Variants in KAZN observed in about 807,000 individuals in gnomAD.
The protein encoded by KAZN is kazrin.
In KAZN, 40 loss-of-function variants were observed where a neutral mutation model predicts 87.4. The observed-to-expected ratio is 0.46, with a 90% CI of 0.36 to 0.60. The LOEUF (loss-of-function observed/expected upper bound fraction) is 0.60, where lower values mean the gene tolerates loss of function less well. Ranked by LOEUF, KAZN falls within the 20% of genes least tolerant of loss-of-function variation. The pLI, the probability that KAZN is intolerant of heterozygous loss-of-function variation, is 0.00. For synonymous variants in KAZN, 466 were observed against 458.3 expected (o/e 1.02, Z -0.22); for missense variants, 898 against 1,073.9 (o/e 0.84, Z 2.29).
At chr1:15,093,718 A>G (rs908919117) in intron 8 of KAZN, among the ~76,000 whole-genome samples, 2 of 152,190 alleles carry the variant, frequency 1.3e-5, no homozygotes, top group East Asian at 1.9e-4. Flanking sequence ...TTACATTGCC[A>G]TGGTGAATTT....
chr1:14,015,470 T>C (rs1640521708), intron 1 of KAZN, among the ~76,000 whole-genome samples: 2 of 91,242 alleles, frequency 2.2e-5, no homozygotes, highest in Non-Finnish European at 4.2e-5. Context: ...TTTTTTTTTT[T>C]TTTTTTTTTT....
At chr1:13,980,892 G>A (rs1209299816) in intron 1 of KAZN, among the ~76,000 whole-genome samples, 1 of 151,388 alleles carries the variant, frequency 6.6e-6, no homozygotes, top group Non-Finnish European at 1.5e-5. Flanking sequence ...TTGTCTTTCT[G>A]GATGGTCTGT....
At chr1:14,300,018 A>G (rs1272366168) in intron 2 of KAZN, among the ~76,000 whole-genome samples, 2 of 152,108 alleles carry the variant, frequency 1.3e-5, no homozygotes, top group Non-Finnish European at 2.9e-5. Flanking sequence ...ATTGGAGCTG[A>G]CAAGAAACCA....
At chr1:14,990,879 C>T (rs905341545) in intron 2 of KAZN, among the ~76,000 whole-genome samples, 2 of 150,728 alleles carry the variant, frequency 1.3e-5, no homozygotes, top group African/African-American at 2.4e-5. Flanking sequence ...TAGGGTGAGG[C>T]CTGATCTAGT....
intron 1 of KAZN, among the ~76,000 whole-genome samples, chr1:14,149,229 G>T (rs540472718): frequency 6.8e-6 from 1 of 147,484 alleles, no homozygotes; most frequent in South Asian, 2.2e-4. Flanking sequence ...AGCCTCCCAA[G>T]TAGCTGGGAC....
At chr1:14,228,785 A>G (rs1012674318) in intron 2 of KAZN, among the ~76,000 whole-genome samples, 41 of 152,252 alleles carry the variant, frequency 2.7e-4, no homozygotes, top group Non-Finnish European at 4.4e-5. Context: ...ATTCTAGATC[A>G]TGTATTAAAA....
chr1:14,142,108 CTTT>C (rs35138469), intron 1 of KAZN, among the ~76,000 whole-genome samples: 5 of 128,954 alleles, frequency 3.9e-5, no homozygotes, highest in Admixed American at 8.1e-5. Flanking sequence ...CCCTCCTTCC[CTTT>C]TTTTTTTTTT....
chr1:14,746,344 C>T (rs1003684136), intron 1 of KAZN, among the ~76,000 whole-genome samples: 1 of 152,072 alleles, frequency 6.6e-6, no homozygotes, highest in Non-Finnish European at 1.5e-5. Flanking sequence ...ACTGAGTGGC[C>T]TCTTCTCCAC....
intron 1 of KAZN, among the ~76,000 whole-genome samples, chr1:14,758,126 C>T (rs1010747608): frequency 1.7e-3 from 53 of 31,880 alleles, no homozygotes; most frequent in Non-Finnish European, 3.6e-3. Flanking sequence ...TTTGTTTTTT[C>T]TCTCTTTCCT....
intron 1 of KAZN, among the ~76,000 whole-genome samples, chr1:14,849,335 T>C (rs1011040717): frequency 6.6e-6 from 1 of 152,194 alleles, no homozygotes; most frequent in Non-Finnish European, 1.5e-5. Context: ...TGTTATTAAT[T>C]CTAATCATCG....
intron 2 of KAZN, among the ~76,000 whole-genome samples, chr1:14,466,657 A>AT (rs200429347): frequency 2.4e-5 from 2 of 84,740 alleles, no homozygotes; most frequent in African/African-American, 1.2e-4. Flanking sequence ...TTAAAACTAA[A>AT]TTTAAAAAAA....
chr1:14,531,594 A>C (rs992020636), intron 2 of KAZN, among the ~76,000 whole-genome samples: 2 of 152,246 alleles, frequency 1.3e-5, no homozygotes, highest in East Asian at 3.9e-4. Flanking sequence ...GATACAGTGG[A>C]AAGATGTGGT....
At chr1:14,709,917 A>G (rs1642399605) in intron 1 of KAZN, among the ~76,000 whole-genome samples, 1 of 152,212 alleles carries the variant, frequency 6.6e-6, no homozygotes, top group Non-Finnish European at 1.5e-5. Context: ...ATACTTACCC[A>G]AAGTAAACAG....
intron 1 of KAZN, among the ~76,000 whole-genome samples, chr1:14,045,094 T>C (rs1432344008): frequency 2.0e-5 from 3 of 152,184 alleles, no homozygotes; most frequent in Admixed American, 1.3e-4. Flanking sequence ...GCCAAAGCCA[T>C]CTTGGAAGTA....
chr1:14,616,836 A>C (rs547074250), intron 1 of KAZN, among the ~76,000 whole-genome samples: 173 of 152,162 alleles, frequency 1.1e-3, no homozygotes, highest in Non-Finnish European at 2.1e-3. Flanking sequence ...TCGTGGCCTC[A>C]TTTGCATTCA....
Position 15,060,296 on chromosome 1 carries a change from C to T in KAZN, c.1041C>T (p.Leu347=). Residue 347 remains leucine, a synonymous_variant, in exon 6 of 15, where the codon CTC becomes CTT. Transcript: ENST00000376030. ...INSPRHRTHS[L]CNGDSPGPVQ... ...CCCCTCGACACCGGACACACTCCCT[C>T]TGCAACGTAAGGCCAGCAGCAGCGG... 1 of 1,614,204 alleles carries T rather than the reference C, an allele frequency of 6.2e-7. No homozygotes were observed. Among genetic ancestry groups the T allele is most frequent in the Middle Eastern group, 1.6e-4 (1 of 6,062 alleles).
At chr1:14,509,969 A>G (rs1557766761) in intron 2 of KAZN, among the ~76,000 whole-genome samples, 1 of 151,006 alleles carries the variant, frequency 6.6e-6, no homozygotes. Context: ...CAGAAGTCAG[A>G]AAGGGCTTAG....
At position 15,094,834 on chromosome 1, in the gene KAZN, A is replaced by G; in HGVS notation, c.1448A>G (p.Asp483Gly). The part of the protein sequence containing the change: ...KSGKVLLSLS[D>G]EDLQLGLGVC... Reference sequence around the variant, plus strand: ...GGGCAGGTGCTGCTGAGCCTGAGTGACGAGGACCTGCAGCTGGGCCTTGGG... The same window carrying G: ...GGGCAGGTGCTGCTGAGCCTGAGTGGCGAGGACCTGCAGCTGGGCCTTGGG... The change falls in exon 10 of 15, where the codon GAC becomes GGC. Residue 483 changes from aspartate to glycine, a missense_variant. By Grantham distance (94) the Asp-to-Gly change is moderately conservative. Coordinates refer to ENST00000376030, the MANE Select transcript of KAZN (RefSeq NM_201628.3). The surrounding 1 kb of genome is among the most constrained non-coding windows in gnomAD (Gnocchi z 4.5). The G allele has an allele frequency of 1.9e-6, 3 of 1,550,348 alleles. No individual in the cohort carries two copies. The highest frequency in any genetic ancestry group is 2.6e-6 in the Non-Finnish European group (3 of 1,146,508).
intron 1 of KAZN, among the ~76,000 whole-genome samples, chr1:14,082,010 A>G (rs1344660198): frequency 6.6e-6 from 1 of 152,078 alleles, no homozygotes; most frequent in Admixed American, 6.5e-5. Context: ...TCCTGGCTCA[A>G]GTGATCCTCC....
Sources: allele counts gnomAD v4.1 joint callset (sites outside exome capture counted in the v4.1 genomes callset), GRCh38; gene constraint gnomAD v4.1.1; non-coding constraint Gnocchi (gnomAD v3.1); transcripts MANE v1.5; gene names NCBI Gene and HGNC (gene_info 2026-07-23, HGNC 2026-07-21).